SLCO6A1: variants seen among roughly 807,000 people sequenced by gnomAD.
SLCO6A1 encodes the protein solute carrier organic anion transporter family member 6A1.
In SLCO6A1, 65 loss-of-function variants were observed where a neutral mutation model predicts 72.7. The ratio of observed to expected loss-of-function variants is 0.89; its 90% CI spans 0.73 to 1.10. The LOEUF (loss-of-function observed/expected upper bound fraction) is 1.10. Among genes scored for constraint, SLCO6A1 ranks in the 50% least tolerant of loss-of-function variants. The pLI is 0.00. For missense variants in SLCO6A1, 874 were observed against 872.6 expected (o/e 1.00, Z -0.02); for synonymous variants, 314 against 298.2 (o/e 1.05, Z -0.55).
intron 12 of SLCO6A1, among the ~76,000 whole-genome samples, chr5:102,381,731 CT>C (rs57935092): frequency 0.026 from 3,480 of 134,290 alleles, 92 homozygotes; most frequent in African/African-American, 0.069. Flanking sequence ...CAATATTTAT[CT>C]TTTTTTTTTT....
At chr5:102,435,196 A>G (rs1561458897) in intron 7 of SLCO6A1, among the ~76,000 whole-genome samples, 1 of 152,198 alleles carries the variant, frequency 6.6e-6, no homozygotes, top group Non-Finnish European at 1.5e-5. Flanking sequence ...TTCCTGTGTG[A>G]AATCATAGAT....
In SLCO6A1 at chr5:102,373,451, T is replaced by A; in HGVS notation, c.2061A>T (p.Ala687=). The A allele has an allele frequency of 6.4e-7, 1 of 1,571,220 alleles. No homozygotes were observed. The highest frequency in any genetic ancestry group is 1.2e-5 in the South Asian group (1 of 82,122). Reference sequence around the variant, plus strand: ...TTAGACGACGTTTGTATATGAAAAATGCAATAGTAGTGAAGATGATAGTGC... The same window carrying A: ...TTAGACGACGTTTGTATATGAAAAAAGCAATAGTAGTGAAGATGATAGTGC... ...KLCTIIFTTI[A]FFIYKRRLNE... The change falls in exon 13 of 14, where the codon GCA becomes GCT. Residue 687 remains alanine (A), a synonymous_variant. Transcript: ENST00000506729.
intron 4 of SLCO6A1, among the ~76,000 whole-genome samples, chr5:102,461,924 G>A (rs913326869): frequency 6.6e-6 from 1 of 152,072 alleles, no homozygotes; most frequent in African/African-American, 2.4e-5. Flanking sequence ...TCAGTAAAGA[G>A]GAAGTCAAAC....
chr5:102,432,462 T>C (rs979604178), intron 7 of SLCO6A1, among the ~76,000 whole-genome samples: 3 of 152,352 alleles, frequency 2.0e-5, no homozygotes, highest in South Asian at 4.1e-4. Flanking sequence ...TTTTCTTGTT[T>C]GAAAATGATT....
chr5:102,395,102 C>CAT (rs962179205), intron 10 of SLCO6A1, among the ~76,000 whole-genome samples: 33 of 151,618 alleles, frequency 2.2e-4, no homozygotes, highest in Admixed American at 5.9e-4. Context: ...AGGTTAGTTA[C>CAT]ATATATATAT....
At chr5:102,465,314 G>GATAT (rs10607474) in intron 4 of SLCO6A1, among the ~76,000 whole-genome samples, 2 of 149,214 alleles carry the variant, frequency 1.3e-5, no homozygotes, top group Admixed American at 6.7e-5. Flanking sequence ...GGAGTTAGTG[G>GATAT]ATATATATAT....
At chr5:102,477,341 T>A (rs528119760) in intron 3 of SLCO6A1, among the ~76,000 whole-genome samples, 11 of 152,024 alleles carry the variant, frequency 7.2e-5, no homozygotes, top group African/African-American at 2.4e-4. Context: ...CCAGGCTGGT[T>A]TTGAACTCCT....
chr5:102,411,058 G>T (rs1489355692), intron 9 of SLCO6A1, among the ~76,000 whole-genome samples: 1 of 152,182 alleles, frequency 6.6e-6, no homozygotes, highest in Non-Finnish European at 1.5e-5. Context: ...ATTGTGGCTT[G>T]AAGTTTCAGG....
chr5:102,438,575 CA>C (rs1300396421), intron 7 of SLCO6A1, 41 bp downstream of exon 7: 1 of 1,522,386 alleles, frequency 6.6e-7, no homozygotes, highest in Non-Finnish European at 8.8e-7. Context: ...TACAATAAGA[CA>C]GTGCAAAATT....
At chr5:102,433,967 T>C (rs1408811633) in intron 7 of SLCO6A1, among the ~76,000 whole-genome samples, 3 of 152,140 alleles carry the variant, frequency 2.0e-5, no homozygotes, top group Non-Finnish European at 4.4e-5. Flanking sequence ...AGCATTTGTA[T>C]CTTTCGTCTA....
intron 6 of SLCO6A1, among the ~76,000 whole-genome samples, chr5:102,440,857 C>T (rs1749797325): frequency 6.6e-6 from 1 of 152,192 alleles, no homozygotes; most frequent in South Asian, 2.1e-4. Context: ...AGTAGTACCA[C>T]AATGCTTTGT....
At chr5:102,427,450 C>A (rs1460204532) in intron 7 of SLCO6A1, among the ~76,000 whole-genome samples, 1 of 151,986 alleles carries the variant, frequency 6.6e-6, no homozygotes, top group Non-Finnish European at 1.5e-5. Flanking sequence ...CTGGGTCTTC[C>A]TTCCAAAAAC....
chr5:102,452,790 AG>A (rs574798132), intron 6 of SLCO6A1, among the ~76,000 whole-genome samples: 103 of 152,310 alleles, frequency 6.8e-4, no homozygotes, highest in African/African-American at 2.4e-3. Context: ...GACACTCAGG[AG>A]AAGTATATTT....
intron 12 of SLCO6A1, among the ~76,000 whole-genome samples, chr5:102,379,268 G>T (rs1231269504): frequency 6.6e-6 from 1 of 151,370 alleles, no homozygotes; most frequent in African/African-American, 2.4e-5. Flanking sequence ...TAATTTTTTT[G>T]GTAATAATTT....
chr5:102,485,608 A>G (rs940647566), intron 1 of SLCO6A1, among the ~76,000 whole-genome samples: 3 of 152,216 alleles, frequency 2.0e-5, no homozygotes, highest in African/African-American at 7.2e-5. Flanking sequence ...AACACTTTGG[A>G]TGTGTTATTA....
rs200507628 is a variant in SLCO6A1, at chr5:102,477,129, TTTTG to T, written c.802+543_802+546del. ...AATTTTTATTACTTAAGAAAGTATT[TTTTG>T]TTTGTTTGTTTGAGACGGAGTCTTG... On this transcript the variant is annotated intron_variant, in intron 3 of 13. Coordinates refer to ENST00000506729, the MANE Select transcript of SLCO6A1 (RefSeq NM_173488.5). 1.1e-4 allele frequency among the ~76,000 whole-genome samples: 17 copies of T among 152,070 alleles called. No individual in the cohort carries two copies. In the East Asian group the frequency reaches 2.3e-3, roughly 21 times the overall value.
chr5:102,442,716 G>A (rs1267245443), intron 6 of SLCO6A1, among the ~76,000 whole-genome samples: 1 of 152,150 alleles, frequency 6.6e-6, no homozygotes, highest in East Asian at 1.9e-4. Flanking sequence ...AAACATAAAA[G>A]TAAGAAAACG....
At chr5:102,478,555 TAG>T (rs1580504057) in intron 2 of SLCO6A1, among the ~76,000 whole-genome samples, 1 of 152,198 alleles carries the variant, frequency 6.6e-6, no homozygotes, top group East Asian at 1.9e-4. Flanking sequence ...TTCTTTCCGT[TAG>T]AGTTAGTCAT....
chr5:102,490,614 G>C (rs747848186), intron 1 of SLCO6A1, among the ~76,000 whole-genome samples: 2 of 152,122 alleles, frequency 1.3e-5, no homozygotes, highest in Non-Finnish European at 2.9e-5. Context: ...TCTGGAGTTT[G>C]TTTGTTCTGA....
Sources: allele counts gnomAD v4.1 joint callset (sites outside exome capture counted in the v4.1 genomes callset), GRCh38; gene constraint gnomAD v4.1.1; transcripts MANE v1.5; gene names NCBI Gene and HGNC (gene_info 2026-07-23, HGNC 2026-07-21).